Variants in DOCK2 observed in about 807,000 individuals in gnomAD.
The protein encoded by DOCK2 is dedicator of cytokinesis 2.
Under a neutral mutation model 248.9 loss-of-function variants are expected in DOCK2, and 87 were observed. That is an observed-to-expected ratio of 0.35 (90% confidence interval 0.29 to 0.42). DOCK2 has a LOEUF of 0.42. Ranked by LOEUF, DOCK2 falls within the 10% of genes least tolerant of loss-of-function variation. The pLI is 1.00. For synonymous variants in DOCK2, 805 were observed against 821.6 expected (o/e 0.98, Z 0.35); for missense variants, 1,747 against 2,300.2 (o/e 0.76, Z 4.92).
intron 25 of DOCK2, among the ~76,000 whole-genome samples, chr5:169,800,521 C>T (rs1766900461): frequency 6.6e-6 from 1 of 152,176 alleles, no homozygotes; most frequent in African/African-American, 2.4e-5. Context: ...GATGAATGGA[C>T]ATTAATTACG....
At position 169,890,746 on chromosome 5, in the gene DOCK2, G is replaced by A. The variant is rs181958147; in HGVS notation, c.2799+49894G>A. Among the ~76,000 whole-genome samples the A allele has an allele frequency of 4.4e-3, 666 of 152,258 alleles. 7 individuals are homozygous for A. Among genetic ancestry groups the A allele is most frequent in the African/African-American group, 0.015 (623 of 41,550 alleles). On this transcript the variant is annotated intron_variant, in intron 27 of 51. Transcript: ENST00000520908. ...GGACCCTGAAAGATGTTGGATATGT[G>A]CTGATTGTGAAATCTTGTTCTCATC...
chr5:169,912,575 C>T (rs912770408), intron 27 of DOCK2, among the ~76,000 whole-genome samples: 7 of 151,904 alleles, frequency 4.6e-5, no homozygotes, highest in Non-Finnish European at 8.8e-5. Flanking sequence ...AAAACCATTA[C>T]GTTGTAAACA....
At chr5:169,820,920 T>C (rs923324499) in intron 26 of DOCK2, among the ~76,000 whole-genome samples, 1 of 152,152 alleles carries the variant, frequency 6.6e-6, no homozygotes, top group Non-Finnish European at 1.5e-5. Flanking sequence ...AGAGAAGTCC[T>C]TAAAGGACCT....
intron 45 of DOCK2, 97 bp downstream of exon 45, chr5:170,067,783 A>G: frequency 7.3e-7 from 1 of 1,377,164 alleles, no homozygotes; most frequent in Non-Finnish European, 1.0e-6. Flanking sequence ...CACTTATCCT[A>G]CTTTGACTGT....
Position 169,714,373 on chromosome 5 carries a change from T to C in DOCK2, c.1857T>C (p.Gly619=). The C allele has an allele frequency of 6.2e-7, 1 of 1,614,056 alleles. No individual in the cohort carries two copies. The highest frequency in any genetic ancestry group is 8.5e-7 in the Non-Finnish European group (1 of 1,179,976). The change falls in exon 19 of 52, where the codon GGT becomes GGC. Residue 619 remains glycine (G), a synonymous_variant. Coordinates refer to ENST00000520908, the MANE Select transcript of DOCK2 (RefSeq NM_004946.3). ...ACTCTATTTTAGTGGGCTTGCTGGG[T>C]TTGCTGAAGTGGCGTATGAAGCCTC... ...TKLTQNVGLL[G]LLKWRMKPQL...
intron 27 of DOCK2, among the ~76,000 whole-genome samples, chr5:169,896,689 A>C (rs1255556728): frequency 6.6e-6 from 1 of 152,244 alleles, no homozygotes; most frequent in Non-Finnish European, 1.5e-5. Flanking sequence ...TGTGAGAACC[A>C]GCAAAGATTT....
chr5:170,007,728 G>A (rs1755098465), intron 30 of DOCK2, among the ~76,000 whole-genome samples: 1 of 152,126 alleles, frequency 6.6e-6, no homozygotes, highest in Non-Finnish European at 1.5e-5. Flanking sequence ...TGGTGGAGTG[G>A]GTTAGCACCA....
intron 27 of DOCK2, among the ~76,000 whole-genome samples, chr5:169,955,979 C>A (rs974040448): frequency 1.8e-4 from 27 of 150,310 alleles, no homozygotes; most frequent in African/African-American, 6.6e-4. Context: ...TAAAAAGGAA[C>A]AGGGTGTGGC....
At position 169,944,310 on chromosome 5, in the gene DOCK2, G is replaced by A. The variant is rs538620562; in HGVS notation, c.2800-38758G>A. Among the ~76,000 whole-genome samples, 4 of 152,268 alleles carry A rather than the reference G, an allele frequency of 2.6e-5. No individual in the cohort carries two copies. In the South Asian group the frequency reaches 8.3e-4, roughly 32 times the overall value. On this transcript the variant is annotated intron_variant, in intron 27 of 51. Transcript: ENST00000520908. ...GAAAGGTGATGACGGCAGTGTGGCC[G>A]GCACCTCAGAACAAAGCTGGCAGGT...
chr5:170,079,260 G>A lies in DOCK2; in HGVS notation c.5166+114G>A, dbSNP rs986336836. On this transcript the variant is annotated intron_variant, in intron 49 of 51. Coordinates refer to ENST00000520908, the MANE Select transcript of DOCK2 (RefSeq NM_004946.3). Reference sequence around the variant, plus strand: ...GCTTCCTGAAGCCTGCCACTGCGGTGCTATGGGTATTGCAGAGGCGGCACC... The same window carrying A: ...GCTTCCTGAAGCCTGCCACTGCGGTACTATGGGTATTGCAGAGGCGGCACC... The A allele has an allele frequency of 1.4e-5, 19 of 1,390,252 alleles. No individual in the cohort carries two copies. In the Admixed American group the frequency reaches 1.5e-4, roughly 11 times the overall value. The allele number at this position is 1,390,252 out of a possible 1,614,324, so 86.1% of individuals were successfully genotyped here.
At chr5:169,925,915 C>A (rs1775425821) in intron 27 of DOCK2, among the ~76,000 whole-genome samples, 1 of 152,130 alleles carries the variant, frequency 6.6e-6, no homozygotes, top group Non-Finnish European at 1.5e-5. Context: ...CTTGTGTTTC[C>A]CGCAGAGACT....
At chr5:169,714,241 G>A (rs1037297558) in intron 18 of DOCK2, 30 bp downstream of exon 18, 4 of 1,600,878 alleles carry the variant, frequency 2.5e-6, no homozygotes, top group African/African-American at 2.7e-5. Flanking sequence ...TTGTGTCTGT[G>A]GGGAGTGTGT....
At chr5:169,728,945 A>T (rs1378009487) in intron 22 of DOCK2, among the ~76,000 whole-genome samples, 1 of 152,152 alleles carries the variant, frequency 6.6e-6, no homozygotes, top group East Asian at 1.9e-4. Flanking sequence ...ACAGATATTC[A>T]TTCTTTTAGG....
intron 27 of DOCK2, among the ~76,000 whole-genome samples, chr5:169,857,220 A>C (rs1207405118): frequency 6.6e-6 from 1 of 152,260 alleles, no homozygotes; most frequent in Admixed American, 6.5e-5. Flanking sequence ...GAAAATAGTC[A>C]ACAATCTGCT....
chr5:170,082,925 G>T lies in DOCK2; in HGVS notation c.*67G>T. 1.2e-6 allele frequency: 2 copies of T among 1,600,884 alleles called. No individual in the cohort carries two copies. The highest frequency in any genetic ancestry group is 1.7e-6 in the Non-Finnish European group (2 of 1,169,318). On this transcript the variant is annotated 3_prime_UTR_variant, in exon 52 of 52. Transcript: ENST00000520908. ...AGTTTCTGGAAGAGGAAAGCCATGC[G>T]TGGAACATCGAAGCCTCAGAGAGTG...
chr5:169,914,108 C>T (rs369314236), intron 27 of DOCK2, among the ~76,000 whole-genome samples: 5 of 152,260 alleles, frequency 3.3e-5, no homozygotes, highest in African/African-American at 1.2e-4. Flanking sequence ...TCCCTCAGAA[C>T]GCCTTTTGTA....
At chr5:170,011,454 A>G (rs1274271831) in intron 32 of DOCK2, among the ~76,000 whole-genome samples, 3 of 149,400 alleles carry the variant, frequency 2.0e-5, no homozygotes, top group African/African-American at 7.5e-5. Context: ...AATGCAATTA[A>G]AAGATACATC....
chr5:169,892,961 C>T (rs1773383515), intron 27 of DOCK2, among the ~76,000 whole-genome samples: 1 of 152,102 alleles, frequency 6.6e-6, no homozygotes, highest in Non-Finnish European at 1.5e-5. Context: ...CCTCTCCTCC[C>T]TGCTCTTTGT....
intron 30 of DOCK2, among the ~76,000 whole-genome samples, chr5:169,997,605 G>A (rs1424024379): frequency 6.8e-6 from 1 of 147,234 alleles, no homozygotes; most frequent in Non-Finnish European, 1.5e-5. Flanking sequence ...CTCTTAAGGA[G>A]CATGCTGCCT....
Sources: allele counts gnomAD v4.1 joint callset (sites outside exome capture counted in the v4.1 genomes callset), GRCh38; gene constraint gnomAD v4.1.1; transcripts MANE v1.5; gene names NCBI Gene and HGNC (gene_info 2026-07-23, HGNC 2026-07-21).